The following NCAM2 variants were observed in gnomAD, a reference collection of about 807,000 sequenced individuals.
NCAM2 encodes the protein neural cell adhesion molecule 2.
A neutral mutation model predicts 98.1 loss-of-function variants in NCAM2; 30 were observed. The ratio of observed to expected loss-of-function variants is 0.31; its 90% CI spans 0.23 to 0.41. The LOEUF is 0.41. NCAM2 is among the 10% of genes least tolerant of loss of function. NCAM2 has a pLI of 1.00. For missense variants in NCAM2, 867 were observed against 1,005.8 expected (o/e 0.86, Z 1.87); for synonymous variants, 368 against 342.4 (o/e 1.07, Z -0.83).
At chr21:21,324,337 G>C (rs76287751) in intron 5 of NCAM2, 46 bp from the exon 6 acceptor site, 47,522 of 1,375,862 alleles carry the variant, frequency 0.035, 1,433 homozygotes, top group East Asian at 0.16. Flanking sequence ...TGATGGTAGT[G>C]AAGGTGTTTT....
intron 1 of NCAM2, among the ~76,000 whole-genome samples, chr21:21,063,123 C>A (rs1601247510): frequency 6.6e-6 from 1 of 151,500 alleles, no homozygotes. Context: ...AGTTCTGTAG[C>A]ATAGGTAAAT....
intron 15 of NCAM2, among the ~76,000 whole-genome samples, chr21:21,481,823 G>A (rs1008922989): frequency 6.6e-6 from 1 of 152,186 alleles, no homozygotes; most frequent in African/African-American, 2.4e-5. Flanking sequence ...CACAAATTCA[G>A]CCAGGCGCAG....
intron 12 of NCAM2, among the ~76,000 whole-genome samples, chr21:21,450,771 C>G (rs1980912782): frequency 1.5e-5 from 2 of 135,594 alleles, no homozygotes; most frequent in African/African-American, 2.7e-5. Flanking sequence ...TCCTCCCCAT[C>G]ATGTATGTAT....
chr21:21,213,283 C>T (rs931435636), intron 1 of NCAM2, among the ~76,000 whole-genome samples: 2 of 152,096 alleles, frequency 1.3e-5, no homozygotes, highest in East Asian at 1.9e-4. Flanking sequence ...TAACTTCTAA[C>T]GTTAATACTA....
At chr21:21,071,834 A>G (rs778127775) in intron 1 of NCAM2, among the ~76,000 whole-genome samples, 10 of 152,172 alleles carry the variant, frequency 6.6e-5, no homozygotes, top group Non-Finnish European at 1.0e-4. Context: ...TAGCTACATA[A>G]TAAAGTGTAT....
intron 1 of NCAM2, among the ~76,000 whole-genome samples, chr21:21,198,966 A>G (rs148010838): frequency 0.01 from 1,537 of 152,280 alleles, 19 homozygotes; most frequent in Middle Eastern, 0.031. Flanking sequence ...GAGCTCCTGT[A>G]TGTAGGGTTA....
rs59421789 is a variant in NCAM2 at position 21,317,727 on chromosome 21, C to T, written c.620-6656C>T. Among the ~76,000 whole-genome samples the T allele has an allele frequency of 2.6e-5, 4 of 151,856 alleles. No individual in the cohort carries two copies. The South Asian group carries it at 8.3e-4, about 32-fold the overall frequency. ...TTTTCTATTTTTTTGTAGCGACAGG[C>T]TCTCATTATGTTTCTCAGGCTCATC... is the stretch of plus-strand genomic sequence containing the variant. On this transcript the variant is annotated intron_variant, in intron 5 of 17. Transcript: ENST00000400546.
intron 1 of NCAM2, among the ~76,000 whole-genome samples, chr21:21,220,436 A>G (rs1352206929): frequency 1.3e-5 from 2 of 152,174 alleles, no homozygotes; most frequent in African/African-American, 4.8e-5. Context: ...GTCTAGGGGA[A>G]ATAGGCTATA....
intron 15 of NCAM2, among the ~76,000 whole-genome samples, chr21:21,490,745 GT>G (rs1003188722): frequency 3.1e-4 from 47 of 151,392 alleles, no homozygotes; most frequent in African/African-American, 1.1e-3. Context: ...TAACGCTTCT[GT>G]TTTAAAGTAC....
At chr21:21,318,070 C>G (rs1361684736) in intron 5 of NCAM2, among the ~76,000 whole-genome samples, 3 of 152,096 alleles carry the variant, frequency 2.0e-5, no homozygotes, top group Non-Finnish European at 4.4e-5. Context: ...AAAGAAAATC[C>G]ATCTGCACAC....
intron 5 of NCAM2, among the ~76,000 whole-genome samples, chr21:21,295,708 T>C (rs1171954757): frequency 6.6e-6 from 1 of 151,842 alleles, no homozygotes; most frequent in Non-Finnish European, 1.5e-5. Flanking sequence ...TTACAGTTGA[T>C]CTGCAAGTGC....
chr21:21,284,200 G>A lies in NCAM2; in HGVS notation c.137G>A (p.Gly46Asp). Residue 46 changes from glycine to aspartate, a missense_variant, in exon 3 of 18, where the codon GGT becomes GAT. This residue lies in a region of NCAM2 where 447 missense variants were observed against 495.7 expected (regional missense o/e 0.90). Coordinates refer to ENST00000400546, the MANE Select transcript of NCAM2 (RefSeq NM_004540.5). The stretch of plus-strand genomic sequence containing the variant: ...TTTCCATGGCTCTTTGCAGCGATTG[G>A]TGAACCTGAAAGTATAGATTGGTAT... Reference protein sequence around the residue: ...ESKFFTCTAIGEPESIDWYNP... With the variant: ...ESKFFTCTAIDEPESIDWYNP... 1 of 1,610,124 alleles carries A rather than the reference G, an allele frequency of 6.2e-7. No individual in the cohort carries two copies. The highest frequency in any genetic ancestry group is 8.5e-7 in the Non-Finnish European group (1 of 1,176,842).
chr21:21,152,081 GTA>G (rs948055388), intron 1 of NCAM2, among the ~76,000 whole-genome samples: 21 of 151,872 alleles, frequency 1.4e-4, no homozygotes, highest in Non-Finnish European at 2.7e-4. Context: ...CTAACTCCAT[GTA>G]TGTTGGACTG....
intron 1 of NCAM2, among the ~76,000 whole-genome samples, chr21:21,112,807 T>A (rs2146533104): frequency 6.6e-6 from 1 of 152,318 alleles, no homozygotes; most frequent in East Asian, 1.9e-4. Flanking sequence ...ACAGGATTCA[T>A]CTTTGCACTC....
chr21:21,194,268 G>T (rs915577439), intron 1 of NCAM2, among the ~76,000 whole-genome samples: 1 of 152,010 alleles, frequency 6.6e-6, no homozygotes, highest in Non-Finnish European at 1.5e-5. Flanking sequence ...TTGCCATGTG[G>T]TTATTCATTT....
chr21:21,111,086 C>A (rs1852206406), intron 1 of NCAM2, among the ~76,000 whole-genome samples: 1 of 151,942 alleles, frequency 6.6e-6, no homozygotes, highest in South Asian at 2.1e-4. Context: ...CAGTTTCAGG[C>A]AAAAAGATTA....
intron 12 of NCAM2, among the ~76,000 whole-genome samples, chr21:21,459,419 C>T (rs762333109): frequency 2.5e-4 from 34 of 133,340 alleles, no homozygotes; most frequent in East Asian, 5.9e-4. Context: ...TATGTATATA[C>T]ACACACACAC....
At chr21:21,331,510 T>TA (rs1441524860) in intron 6 of NCAM2, among the ~76,000 whole-genome samples, 1 of 1,060 alleles carries the variant, frequency 9.4e-4, no homozygotes, top group Non-Finnish European at 2.5e-3. Context: ...CTCTATACTC[T>TA]CTCTCTCTAT....
At chr21:21,162,351 A>C (rs1846790460) in intron 1 of NCAM2, among the ~76,000 whole-genome samples, 1 of 152,128 alleles carries the variant, frequency 6.6e-6, no homozygotes, top group African/African-American at 2.4e-5. Flanking sequence ...CCTATTAAAT[A>C]CAAAAATAAA....
Sources: allele counts gnomAD v4.1 joint callset (sites outside exome capture counted in the v4.1 genomes callset), GRCh38; gene constraint gnomAD v4.1.1; regional missense constraint gnomAD v4.1.1; transcripts MANE v1.5; gene names NCBI Gene and HGNC (gene_info 2026-07-23, HGNC 2026-07-21).